NRCAM: variants seen among roughly 807,000 people sequenced by gnomAD.
The protein encoded by NRCAM is NgCAM-related cell adhesion molecule.
NRCAM carries 83 observed loss-of-function variants against 156.5 expected under a neutral mutation model. That is an observed-to-expected ratio of 0.53 (90% CI 0.44 to 0.64). NRCAM has a LOEUF of 0.64. NRCAM is among the 30% of genes least tolerant of loss of function. NRCAM has a pLI of 0.00. For missense variants in NRCAM, 1,417 were observed against 1,597.3 expected (o/e 0.89, Z 1.92); for synonymous variants, 538 against 563.9 (o/e 0.95, Z 0.65).
intron 30 of NRCAM, among the ~76,000 whole-genome samples, chr7:108,164,082 G>A (rs1474783773): frequency 2.7e-5 from 3 of 111,550 alleles, no homozygotes; most frequent in African/African-American, 8.7e-5. Context: ...ACCAGGTGGG[G>A]TGGGGTAGTG....
intron 2 of NRCAM, among the ~76,000 whole-genome samples, chr7:108,326,419 G>A (rs1468314108): frequency 1.3e-5 from 2 of 152,158 alleles, no homozygotes; most frequent in East Asian, 3.8e-4. Context: ...GCCCGGGCTT[G>A]AAAAGCATTC....
At chr7:108,257,886 G>C (rs1423122953) in intron 3 of NRCAM, among the ~76,000 whole-genome samples, 4 of 152,004 alleles carry the variant, frequency 2.6e-5, no homozygotes, top group African/African-American at 7.2e-5. Flanking sequence ...TCAGATGAGA[G>C]CGTTCACACC....
At chr7:108,456,063 G>C (rs1322776519) in intron 1 of NRCAM, among the ~76,000 whole-genome samples, 180 bp downstream of exon 1, 2 of 152,054 alleles carry the variant, frequency 1.3e-5, no homozygotes, top group Non-Finnish European at 2.9e-5. Context: ...CTGCAGGGGA[G>C]AAGGGAGTTG....
At chr7:108,355,723 A>G (rs1316674293) in intron 2 of NRCAM, among the ~76,000 whole-genome samples, 1 of 152,202 alleles carries the variant, frequency 6.6e-6, no homozygotes, top group Admixed American at 6.5e-5. Flanking sequence ...TTAGTCATTT[A>G]TATGATCTAT....
chr7:108,454,176 G>A (rs1472694343), intron 1 of NRCAM, among the ~76,000 whole-genome samples: 4 of 152,172 alleles, frequency 2.6e-5, no homozygotes, highest in Non-Finnish European at 4.4e-5. Context: ...GGAGTTACAT[G>A]GGAATAAAAG....
At chr7:108,375,941 G>A (rs1034779926) in intron 2 of NRCAM, among the ~76,000 whole-genome samples, 2 of 152,160 alleles carry the variant, frequency 1.3e-5, no homozygotes, top group African/African-American at 4.8e-5. Context: ...ATTTCAATAT[G>A]ACTGTATTAG....
At chr7:108,388,534 C>A (rs1416602834) in intron 2 of NRCAM, among the ~76,000 whole-genome samples, 1 of 152,146 alleles carries the variant, frequency 6.6e-6, no homozygotes. Flanking sequence ...ATGGTAGTTT[C>A]TTTTGCTGTG....
At chr7:108,252,597 G>T (rs1360574512) in intron 3 of NRCAM, among the ~76,000 whole-genome samples, 1 of 152,228 alleles carries the variant, frequency 6.6e-6, no homozygotes, top group African/African-American at 2.4e-5. Flanking sequence ...CTCAGCAGGA[G>T]CTTGGTTTTA....
intron 3 of NRCAM, among the ~76,000 whole-genome samples, chr7:108,245,179 C>G (rs2095826065): frequency 6.6e-6 from 1 of 152,116 alleles, no homozygotes; most frequent in Non-Finnish European, 1.5e-5. Flanking sequence ...AGTACCAGAT[C>G]TAGAGCTCCA....
Position 108,177,981 on chromosome 7 carries a change from A to G in NRCAM, c.2974+9T>C, listed in dbSNP as rs2153230140. 1 of 1,593,372 alleles carries G rather than the reference A, an allele frequency of 6.3e-7. No individual in the cohort carries two copies. Among genetic ancestry groups the G allele is most frequent in the Non-Finnish European group, 8.5e-7 (1 of 1,171,548 alleles). On this transcript the variant is annotated intron_variant, in intron 26 of 32. Transcript: ENST00000379028. Reference sequence around the variant, plus strand: ...CATATTTCCCCTTCTCTTCCTCCCAACAGCTTACTTGGCTGATACTTTAAG... The same window carrying G: ...CATATTTCCCCTTCTCTTCCTCCCAGCAGCTTACTTGGCTGATACTTTAAG...
intron 2 of NRCAM, among the ~76,000 whole-genome samples, chr7:108,342,207 T>C (rs2099291802): frequency 6.6e-6 from 1 of 152,202 alleles, no homozygotes; most frequent in African/African-American, 2.4e-5. Context: ...TCAGAAACCT[T>C]GTGCCATCAA....
Position 108,434,541 on chromosome 7 carries a change from T to TACACACAC in NRCAM, c.-332+21694_-332+21701dup, listed in dbSNP as rs141756969. Among the ~76,000 whole-genome samples, 747 of 141,226 alleles carry TACACACAC rather than the reference T, an allele frequency of 5.3e-3. 8 individuals are homozygous for TACACACAC. The highest frequency in any genetic ancestry group is 0.015 in the African/African-American group (563 of 37,898). 92.6% of individuals were successfully genotyped at this position (141,226 alleles called of 152,430 possible). A position where few individuals can be genotyped will look rare whatever the true frequency, so the allele number is the denominator to read the frequency against. On this transcript the variant is annotated intron_variant, in intron 1 of 32. Transcript: ENST00000379028. ...CTACATACCCATGGCCAATGGAATG[T>TACACACAC]ACACACACACACACACACACACACA...
chr7:108,327,054 T>G (rs1164170553), intron 2 of NRCAM, among the ~76,000 whole-genome samples: 1 of 152,210 alleles, frequency 6.6e-6, no homozygotes, highest in Non-Finnish European at 1.5e-5. Flanking sequence ...TTAATCTACC[T>G]AACACCAGCT....
intron 11 of NRCAM, among the ~76,000 whole-genome samples, chr7:108,211,648 G>A (rs2084513700): frequency 6.6e-6 from 1 of 152,106 alleles, no homozygotes; most frequent in Non-Finnish European, 1.5e-5. Context: ...TGACTCAGCA[G>A]AGGGACAACT....
chr7:108,453,330 T>C (rs1852649898), intron 1 of NRCAM, among the ~76,000 whole-genome samples: 1 of 152,202 alleles, frequency 6.6e-6, no homozygotes. Flanking sequence ...TTCTTGAAAT[T>C]TTCTACAGCC....
At chr7:108,426,542 A>AC (rs1817487585) in intron 1 of NRCAM, among the ~76,000 whole-genome samples, 1 of 152,134 alleles carries the variant, frequency 6.6e-6, no homozygotes, top group Non-Finnish European at 1.5e-5. Context: ...GCTGAAGCCC[A>AC]CCCCCCTTAT....
At chr7:108,422,605 A>G (rs1811521859) in intron 1 of NRCAM, among the ~76,000 whole-genome samples, 1 of 152,194 alleles carries the variant, frequency 6.6e-6, no homozygotes. Flanking sequence ...GATACATTTT[A>G]AAGTATAATG....
At chr7:108,209,642 G>A (rs2153584616) in intron 11 of NRCAM, 37 bp from the exon 12 acceptor site, 2 of 1,455,620 alleles carry the variant, frequency 1.4e-6, no homozygotes, top group Non-Finnish European at 1.9e-6. Flanking sequence ...TACAAAAAAG[G>A]AATCCACCTA....
At position 108,149,745 on chromosome 7, in the gene NRCAM, A is replaced by T. The variant is rs2040199688; in HGVS notation, c.*165T>A. 3.1e-6 allele frequency: 2 copies of T among 639,874 alleles called. No homozygotes were observed. Among genetic ancestry groups the T allele is most frequent in the Admixed American group, 5.7e-5 (2 of 34,922 alleles). 39.6% of individuals were successfully genotyped at this position (639,874 alleles called of 1,614,324 possible). On this transcript the variant is annotated 3_prime_UTR_variant, in exon 33 of 33. Coordinates refer to ENST00000379028, the MANE Select transcript of NRCAM (RefSeq NM_001037132.4). Reference sequence around the variant, plus strand: ...ACTTTGCATTCCAGTTCATATTAACATATCATTTGACTGAGTTATGTTTTT... The same window carrying T: ...ACTTTGCATTCCAGTTCATATTAACTTATCATTTGACTGAGTTATGTTTTT...
Sources: gnomAD v4.1 joint callset for allele counts (sites outside exome capture counted in the v4.1 genomes callset) on GRCh38, gnomAD v4.1.1 for gene constraint, MANE v1.5 for transcripts, NCBI Gene and HGNC (gene_info 2026-07-23, HGNC 2026-07-21) for gene names.